The following OCA2 variants were observed in gnomAD, a reference collection of about 807,000 sequenced individuals.
OCA2 encodes P protein.
Under a neutral mutation model 100.2 loss-of-function variants are expected in OCA2, and 77 were observed. The observed-to-expected ratio is 0.77, with a 90% CI of 0.64 to 0.93. The LOEUF (loss-of-function observed/expected upper bound fraction) is 0.93, where lower values mean the gene tolerates loss of function less well. OCA2 is among the 40% of genes least tolerant of loss of function. The pLI is 0.00. For missense variants in OCA2, 1,062 were observed against 1,089.1 expected, an observed-to-expected ratio of 0.98 and a Z score of 0.35; for synonymous variants, 432 against 439.2, an observed-to-expected ratio of 0.98 and a Z score of 0.21.
chr15:27,731,450 G>A, the OCA2 span, among the ~76,000 whole-genome samples: 1 of 152,152 alleles, frequency 6.6e-6, no homozygotes, highest in Non-Finnish European at 1.5e-5. Flanking sequence ...TTTTGTGGCA[G>A]TTGTAGAGAT....
intron 19 of OCA2, among the ~76,000 whole-genome samples, chr15:27,898,749 G>A (rs776131163): frequency 1.3e-5 from 2 of 152,174 alleles, no homozygotes; most frequent in Admixed American, 6.5e-5. Flanking sequence ...GTTTTCACCT[G>A]AAGGGATATT....
chr15:28,095,715 C>CAA (rs113766832), intron 1 of OCA2, among the ~76,000 whole-genome samples: 143 of 98,238 alleles, frequency 1.5e-3, no homozygotes, highest in African/African-American at 5.0e-3. Context: ...GAAACTGTCT[C>CAA]AAAAAAAAAA....
At chr15:27,752,576 C>CG (rs2030101464), downstream of OCA2, among the ~76,000 whole-genome samples, 1 of 152,274 alleles carries the variant, frequency 6.6e-6, no homozygotes, top group African/African-American at 2.4e-5. Context: ...CTCCCATTCC[C>CG]GGACAGCATC....
the OCA2 span, among the ~76,000 whole-genome samples, chr15:27,720,500 TGAA>T: frequency 6.6e-6 from 1 of 150,932 alleles, no homozygotes; most frequent in South Asian, 2.1e-4. Flanking sequence ...GATTCATCTA[TGAA>T]GAAGCTGTAT....
At chr15:27,976,287 A>G (rs1308197617) in intron 14 of OCA2, among the ~76,000 whole-genome samples, 2 of 152,198 alleles carry the variant, frequency 1.3e-5, no homozygotes. Flanking sequence ...ACAGCCTCCA[A>G]TAAAATGTTG....
chr15:27,894,773 A>G (rs1030720162), intron 19 of OCA2, among the ~76,000 whole-genome samples: 1 of 152,112 alleles, frequency 6.6e-6, no homozygotes, highest in Non-Finnish European at 1.5e-5. Flanking sequence ...ATGATGTGTG[A>G]TTGTGACGTA....
chr15:28,050,355 G>C (rs752549287), intron 2 of OCA2, among the ~76,000 whole-genome samples: 10 of 151,992 alleles, frequency 6.6e-5, no homozygotes, highest in Non-Finnish European at 1.2e-4. Context: ...GGTCGAGTTC[G>C]AGACCAGCCT....
the OCA2 span, among the ~76,000 whole-genome samples, chr15:27,730,788 TC>T: frequency 3.2e-4 from 44 of 136,476 alleles, 1 homozygote; most frequent in African/African-American, 7.6e-4. Flanking sequence ...TGTTTTTTTT[TC>T]AAATTATATC....
At chr15:27,835,519 C>A (rs1456142711) in intron 23 of OCA2, among the ~76,000 whole-genome samples, 1 of 152,236 alleles carries the variant, frequency 6.6e-6, no homozygotes, top group Non-Finnish European at 1.5e-5. Context: ...GGAATAGTAC[C>A]AGCTGCCCTT....
intron 21 of OCA2, among the ~76,000 whole-genome samples, chr15:27,852,033 C>T (rs1430827433): frequency 6.6e-6 from 1 of 152,200 alleles, no homozygotes. Context: ...GCACCCTGAG[C>T]CTGCTAACAT....
rs770539999 is a variant in OCA2, at chr15:27,874,475, T to G, written c.2080-2553A>C. Among the ~76,000 whole-genome samples, 126 of 152,270 alleles carry G rather than the reference T, an allele frequency of 8.3e-4. 1 individual carries two copies. The Middle Eastern group carries it at 0.024, about 29-fold the overall frequency. On this transcript the variant is annotated intron_variant, in intron 19 of 23. Coordinates refer to ENST00000354638, the MANE Select transcript of OCA2 (RefSeq NM_000275.3). ...AGGAAAGCATCCCGCCTGCAGGCCCTCAGGAATCCCACAGAATACGATGAA... is the reference window on the plus strand; with the variant it reads ...AGGAAAGCATCCCGCCTGCAGGCCCGCAGGAATCCCACAGAATACGATGAA...
chr15:27,930,151 GAAA>G (rs1414870704), intron 18 of OCA2, among the ~76,000 whole-genome samples: 3 of 152,126 alleles, frequency 2.0e-5, no homozygotes, highest in Non-Finnish European at 4.4e-5. Context: ...TTACCCAAGA[GAAA>G]TTAAAGCATA....
downstream of OCA2, among the ~76,000 whole-genome samples, chr15:27,753,203 T>G (rs867711138): frequency 6.6e-6 from 1 of 151,344 alleles, no homozygotes; most frequent in South Asian, 2.1e-4. Flanking sequence ...CAAGTTTTGT[T>G]TTAGAGGGTA....
At chr15:27,812,541 A>T (rs1363002228) in intron 23 of OCA2, among the ~76,000 whole-genome samples, 1 of 152,236 alleles carries the variant, frequency 6.6e-6, no homozygotes, top group Non-Finnish European at 1.5e-5. Flanking sequence ...AAAAAAGATT[A>T]ATTAAAGCCA....
chr15:27,841,398 C>T (rs940329100), intron 23 of OCA2, among the ~76,000 whole-genome samples: 2 of 152,292 alleles, frequency 1.3e-5, no homozygotes, highest in East Asian at 3.9e-4. Context: ...AGCATCCTGG[C>T]TATGATCTTC....
chr15:27,954,698 C>CA (rs796586679), intron 17 of OCA2, among the ~76,000 whole-genome samples: 3,998 of 148,004 alleles, frequency 0.027, 179 homozygotes, highest in African/African-American at 0.09. Context: ...AAGAATGAGC[C>CA]AAAAAAAACA....
intron 6 of OCA2, among the ~76,000 whole-genome samples, chr15:28,021,228 T>G (rs935683931): frequency 9.2e-5 from 14 of 152,210 alleles, no homozygotes; most frequent in Non-Finnish European, 1.8e-4. Flanking sequence ...ACCGGGGGCT[T>G]CAGGGGCCTT....
intron 1 of OCA2, among the ~76,000 whole-genome samples, chr15:28,088,005 T>C (rs960966504): frequency 6.6e-6 from 1 of 151,220 alleles, no homozygotes; most frequent in Admixed American, 6.6e-5. Flanking sequence ...GAGGTTGCAG[T>C]GAGCTGAGAC....
chr15:27,766,986 C>A (rs921848014), intron 23 of OCA2, among the ~76,000 whole-genome samples: 1 of 152,220 alleles, frequency 6.6e-6, no homozygotes, highest in Non-Finnish European at 1.5e-5. Flanking sequence ...CCTTCCCTGG[C>A]CCCTTCTTCG....
Sources: allele counts gnomAD v4.1 joint callset (sites outside exome capture counted in the v4.1 genomes callset), GRCh38; gene constraint gnomAD v4.1.1; transcripts MANE v1.5; gene names NCBI Gene and HGNC (gene_info 2026-07-23, HGNC 2026-07-21).